TRAPPC12: variants seen among roughly 807,000 people sequenced by gnomAD.
TRAPPC12 encodes trafficking protein particle complex subunit 12, also known as TPR repeat protein 15.
TRAPPC12 carries 61 observed loss-of-function variants against 69.2 expected under a neutral mutation model. The observed-to-expected ratio is 0.88, with a 90% confidence interval of 0.72 to 1.09. TRAPPC12 has a LOEUF of 1.09. Ranked by LOEUF, TRAPPC12 falls within the 50% of genes least tolerant of loss-of-function variation. The probability of loss-of-function intolerance (pLI) is 0.00; values close to 1 mark genes in which losing one functional copy is unlikely to be tolerated. For missense variants in TRAPPC12, 1,101 were observed against 1,016.4 expected (o/e 1.08, Z -1.13); for synonymous variants, 469 against 438.9 (o/e 1.07, Z -0.86).
intron 3 of TRAPPC12, among the ~76,000 whole-genome samples, chr2:3,405,743 T>G (rs1327082260): frequency 2.0e-5 from 3 of 152,258 alleles, no homozygotes; most frequent in African/African-American, 7.2e-5. Flanking sequence ...ATTTTTAATT[T>G]ACTTATTGCT....
chr2:3,443,921 C>A, intron 6 of TRAPPC12, 30 bp downstream of exon 6: 2 of 1,537,704 alleles, frequency 1.3e-6, no homozygotes, highest in Non-Finnish European at 1.8e-6. Flanking sequence ...TTCCCTGCCA[C>A]GGGGAGAACA....
At chr2:3,428,029 G>C (rs777621760) in intron 5 of TRAPPC12, among the ~76,000 whole-genome samples, 4 of 152,158 alleles carry the variant, frequency 2.6e-5, no homozygotes, top group Non-Finnish European at 5.9e-5. Flanking sequence ...CATCTCTAAG[G>C]AGAGGATTTT....
At chr2:3,474,585 G>A (rs1666218099) in intron 9 of TRAPPC12, among the ~76,000 whole-genome samples, 1 of 152,248 alleles carries the variant, frequency 6.6e-6, no homozygotes, top group Non-Finnish European at 1.5e-5. Context: ...CACTGACCAT[G>A]TGTTGCTCTT....
At chr2:3,457,034 C>T (rs1053973383) in intron 6 of TRAPPC12, 7 of 457,786 alleles carry the variant, frequency 1.5e-5, no homozygotes, top group South Asian at 3.1e-5. Context: ...GCCATAGGGA[C>T]TTGGTGATGT....
intron 6 of TRAPPC12, among the ~76,000 whole-genome samples, chr2:3,453,443 G>A (rs1482186384): frequency 2.0e-5 from 3 of 152,178 alleles, no homozygotes; most frequent in Non-Finnish European, 2.9e-5. Flanking sequence ...GTGGCTGGTC[G>A]CTTACTGCTC....
chr2:3,407,260 T>A (rs1661782006), intron 3 of TRAPPC12, among the ~76,000 whole-genome samples: 1 of 152,232 alleles, frequency 6.6e-6, no homozygotes. Flanking sequence ...TGAGTGATTT[T>A]TATTAGACTA....
chr2:3,427,887 T>A (rs575933170), intron 5 of TRAPPC12, among the ~76,000 whole-genome samples: 27 of 139,572 alleles, frequency 1.9e-4, no homozygotes, highest in African/African-American at 6.9e-4. Flanking sequence ...AGTGAGACTC[T>A]GTCCCACAAA....
At chr2:3,413,614 G>A (rs1452037544) in intron 3 of TRAPPC12, among the ~76,000 whole-genome samples, 1 of 152,118 alleles carries the variant, frequency 6.6e-6, no homozygotes, top group Non-Finnish European at 1.5e-5. Context: ...TTGAGTAAAT[G>A]ATACAAGACA....
At position 3,460,254 on chromosome 2, in the gene TRAPPC12, A is replaced by G. The variant is rs1484019414; in HGVS notation, c.1604-9A>G. 1 of 873,218 alleles carries G rather than the reference A, an allele frequency of 1.1e-6. No individual in the cohort carries two copies. The highest frequency in any genetic ancestry group is 1.7e-5 in the Admixed American group (1 of 59,198). The allele number at this position is 873,218 out of a possible 1,614,324, so 54.1% of individuals were successfully genotyped here. On this transcript the variant is annotated splice_polypyrimidine_tract_variant and intron_variant, in intron 7 of 11. Coordinates refer to ENST00000324266, the MANE Select transcript of TRAPPC12 (RefSeq NM_016030.6). ...ATTTGTGCACTTACAGGCTGCTCTT[A>G]CCTTGTAGCCTCTATCCGGCTGTGG...
intron 3 of TRAPPC12, among the ~76,000 whole-genome samples, chr2:3,420,436 G>T (rs138230855): frequency 2.6e-4 from 40 of 152,310 alleles, no homozygotes; most frequent in Admixed American, 1.6e-3. Context: ...CATTTTTAAT[G>T]CCTGCCTCCT....
At chr2:3,393,384 G>T (rs1264581488) in intron 2 of TRAPPC12, among the ~76,000 whole-genome samples, 1 of 152,168 alleles carries the variant, frequency 6.6e-6, no homozygotes, top group African/African-American at 2.4e-5. Flanking sequence ...CTTCATTTAT[G>T]CAAGAAGAAG....
At chr2:3,390,645 A>G (rs1643477225) in intron 2 of TRAPPC12, among the ~76,000 whole-genome samples, 2 of 152,248 alleles carry the variant, frequency 1.3e-5, no homozygotes, top group Admixed American at 1.3e-4. Flanking sequence ...ATTCCGTGTG[A>G]TACTTTAATG....
At chr2:3,398,305 C>A (rs1045453067) in intron 2 of TRAPPC12, among the ~76,000 whole-genome samples, 1 of 152,114 alleles carries the variant, frequency 6.6e-6, no homozygotes, top group African/African-American at 2.4e-5. Flanking sequence ...AATGGCTATT[C>A]CATGTTGACT....
chr2:3,459,013 A>C (rs910707111), intron 7 of TRAPPC12, among the ~76,000 whole-genome samples: 9 of 152,266 alleles, frequency 5.9e-5, no homozygotes. Flanking sequence ...AAAGTGAGTT[A>C]AGTTTTTAAT....
intron 5 of TRAPPC12, among the ~76,000 whole-genome samples, chr2:3,442,344 T>G (rs1233297656): frequency 1.3e-5 from 2 of 152,208 alleles, no homozygotes; most frequent in African/African-American, 4.8e-5. Context: ...TGGCCCCTTC[T>G]CTACTTGAGA....
intron 7 of TRAPPC12, chr2:3,458,070 TCTGCGTCGGGGACAG>T: frequency 2.2e-6 from 1 of 449,008 alleles, no homozygotes; most frequent in South Asian, 1.1e-4. Context: ...GACAGAGGCC[TCTGCGTCGGGGACAG>T]AGGCTCGGGA....
intron 6 of TRAPPC12, among the ~76,000 whole-genome samples, chr2:3,457,403 G>T (rs1363545745): frequency 6.6e-6 from 1 of 151,874 alleles, no homozygotes; most frequent in South Asian, 2.1e-4. Context: ...AGTATACCCA[G>T]GTAACCTGCA....
intron 9 of TRAPPC12, chr2:3,466,422 A>C: frequency 2.1e-6 from 1 of 469,940 alleles, no homozygotes; most frequent in Non-Finnish European, 4.4e-6. Context: ...TGAGCATTTC[A>C]CCTCACGGTG....
At chr2:3,443,700 C>A in intron 5 of TRAPPC12, 79 bp from the exon 6 acceptor site, 1 of 1,042,360 alleles carries the variant, frequency 9.6e-7, no homozygotes, top group Non-Finnish European at 1.5e-6. Context: ...ACATCTGCGA[C>A]GCCTCCTTCA....
Sources: gnomAD v4.1 joint callset for allele counts (sites outside exome capture counted in the v4.1 genomes callset) on GRCh38, gnomAD v4.1.1 for gene constraint, MANE v1.5 for transcripts, NCBI Gene and HGNC (gene_info 2026-07-23, HGNC 2026-07-21) for gene names.